The following CTIF variants were observed in gnomAD, a reference collection of about 807,000 sequenced individuals.
CTIF encodes the protein CBP80/20-dependent translation initiation factor.
Under a neutral mutation model 66.0 loss-of-function variants are expected in CTIF, and 21 were observed. That is an observed-to-expected ratio of 0.32 (90% CI 0.23 to 0.46). The LOEUF (loss-of-function observed/expected upper bound fraction) is 0.46, where lower values mean the gene tolerates loss of function less well. Among genes scored for constraint, CTIF ranks in the 20% least tolerant of loss-of-function variants. The probability of loss-of-function intolerance (pLI) is 1.00; values close to 1 mark genes in which losing one functional copy is unlikely to be tolerated. For missense variants in CTIF, 739 were observed against 812.7 expected (o/e 0.91, Z 1.10); for synonymous variants, 345 against 326.4 (o/e 1.06, Z -0.62).
intron 7 of CTIF, among the ~76,000 whole-genome samples, chr18:48,754,411 G>A (rs1908138741): frequency 6.6e-6 from 1 of 152,180 alleles, no homozygotes; most frequent in East Asian, 1.9e-4. Flanking sequence ...AAGGTTCTTG[G>A]CCTGCCTGCA....
Position 48,857,203 on chromosome 18 carries a change from C to T in CTIF, c.1528-385C>T, listed in dbSNP as rs140067374. On this transcript the variant is annotated intron_variant, in intron 10 of 11. Transcript: ENST00000256413. ...ACCCATAGAGGAGTTACCAATTATA[C>T]GTCTCTAAGCTAATTTCATTTCCCT... Among the ~76,000 whole-genome samples, 548 of 152,360 alleles carry T rather than the reference C, an allele frequency of 3.6e-3. 4 individuals are homozygous for T. The highest frequency in any genetic ancestry group is 0.012 in the African/African-American group (512 of 41,586).
In CTIF at chr18:48,817,668, C is replaced by T. The variant is rs369035266; in HGVS notation, c.1527+292C>T. ...GTGGGTGCCTGTAATCCCAGCTACT[C>T]GGGAGGCTGAGGCAGGAGAATTGCT... On this transcript the variant is annotated intron_variant, in intron 10 of 11. Transcript: ENST00000256413. Among the ~76,000 whole-genome samples, 5 of 151,914 alleles carry T rather than the reference C, an allele frequency of 3.3e-5. No individual in the cohort carries two copies. The South Asian group carries it at 8.3e-4, about 25-fold the overall frequency.
chr18:48,603,353 G>A (rs991042882), intron 1 of CTIF, among the ~76,000 whole-genome samples: 11 of 136,608 alleles, frequency 8.1e-5, no homozygotes, highest in Admixed American at 3.6e-4. Flanking sequence ...TGGGATGGAC[G>A]GCTAGATAGG....
intron 10 of CTIF, among the ~76,000 whole-genome samples, chr18:48,854,158 G>A (rs1358887500): frequency 6.6e-6 from 1 of 152,168 alleles, no homozygotes; most frequent in Non-Finnish European, 1.5e-5. Context: ...TCAAGAAGCC[G>A]ACAGTTCACC....
At chr18:48,666,342 G>A (rs1397424139) in intron 5 of CTIF, among the ~76,000 whole-genome samples, 1 of 152,110 alleles carries the variant, frequency 6.6e-6, no homozygotes, top group African/African-American at 2.4e-5. Context: ...ATAGTGTAAT[G>A]AGCAACAACC....
At chr18:48,763,960 T>A (rs1909259952) in intron 9 of CTIF, among the ~76,000 whole-genome samples, 1 of 152,124 alleles carries the variant, frequency 6.6e-6, no homozygotes, top group African/African-American at 2.4e-5. Flanking sequence ...AGAGACCTAG[T>A]TCTGCAGGTG....
intron 1 of CTIF, among the ~76,000 whole-genome samples, chr18:48,611,083 G>T (rs978538038): frequency 6.6e-6 from 1 of 152,148 alleles, no homozygotes; most frequent in African/African-American, 2.4e-5. Flanking sequence ...TTGCAGCCTG[G>T]CTCTACCCAT....
chr18:48,572,048 T>TTCTCCTTCTCC (rs1568040083), intron 1 of CTIF, among the ~76,000 whole-genome samples: 1 of 148,510 alleles, frequency 6.7e-6, no homozygotes, highest in African/African-American at 2.5e-5. Flanking sequence ...CTTCCTTCTC[T>TTCTCCTTCTCC]TTCTCCTTCT....
At chr18:48,618,516 C>A (rs2090436443) in intron 1 of CTIF, among the ~76,000 whole-genome samples, 1 of 152,226 alleles carries the variant, frequency 6.6e-6, no homozygotes, top group African/African-American at 2.4e-5. Context: ...TTTAAATCCC[C>A]TTCCCATCTA....
chr18:48,628,415 G>T (rs1024168144), intron 2 of CTIF, among the ~76,000 whole-genome samples: 7 of 152,144 alleles, frequency 4.6e-5, no homozygotes, highest in Non-Finnish European at 1.0e-4. Context: ...AAAGGAGACT[G>T]TTTGCATTGT....
chr18:48,682,082 A>G (rs1371897196), intron 6 of CTIF, among the ~76,000 whole-genome samples: 3 of 151,526 alleles, frequency 2.0e-5, no homozygotes, highest in East Asian at 2.0e-4. Flanking sequence ...CACCGTGCCC[A>G]GCCCCACACC....
At chr18:48,829,586 G>A (rs1429209387) in intron 10 of CTIF, among the ~76,000 whole-genome samples, 4 of 152,334 alleles carry the variant, frequency 2.6e-5, no homozygotes, top group African/African-American at 7.2e-5. Context: ...GCCTTGCCCA[G>A]CCTCCGTGCT....
At chr18:48,737,274 C>A (rs538213368) in intron 7 of CTIF, among the ~76,000 whole-genome samples, 13 of 152,308 alleles carry the variant, frequency 8.5e-5, no homozygotes, top group African/African-American at 3.1e-4. Flanking sequence ...AAGGTGGGAC[C>A]CTTGCCATTA....
chr18:48,635,920 A>T (rs114898967), intron 2 of CTIF, among the ~76,000 whole-genome samples: 1 of 152,136 alleles, frequency 6.6e-6, no homozygotes, highest in Non-Finnish European at 1.5e-5. Context: ...CAGACTCCCA[A>T]TGCATCCCTT....
intron 1 of CTIF, among the ~76,000 whole-genome samples, chr18:48,588,764 G>A (rs916830367): frequency 2.6e-5 from 4 of 152,208 alleles, no homozygotes; most frequent in African/African-American, 9.6e-5. Context: ...CCTGTGGCGG[G>A]CTCCCTGCGG....
At chr18:48,620,133 C>T (rs578127585) in intron 2 of CTIF, among the ~76,000 whole-genome samples, 1 of 152,318 alleles carries the variant, frequency 6.6e-6, no homozygotes, top group South Asian at 2.1e-4. Context: ...AGAACTATAA[C>T]TTGTGAATAT....
intron 9 of CTIF, among the ~76,000 whole-genome samples, chr18:48,771,885 A>T (rs1910167193): frequency 6.6e-6 from 1 of 152,250 alleles, no homozygotes; most frequent in Non-Finnish European, 1.5e-5. Flanking sequence ...CTGCCCGGGC[A>T]CGGCCGGCCC....
At chr18:48,578,118 T>G (rs1206674081) in intron 1 of CTIF, among the ~76,000 whole-genome samples, 1 of 152,258 alleles carries the variant, frequency 6.6e-6, no homozygotes, top group African/African-American at 2.4e-5. Flanking sequence ...TGTAATAGTT[T>G]CAAGGTTCAT....
chr18:48,829,885 T>A (rs926212535), intron 10 of CTIF, among the ~76,000 whole-genome samples: 2 of 152,250 alleles, frequency 1.3e-5, no homozygotes, highest in Non-Finnish European at 1.5e-5. Flanking sequence ...ATGTGAATGA[T>A]GTTTAGGGAA....
Sources: gnomAD v4.1 joint callset for allele counts (sites outside exome capture counted in the v4.1 genomes callset) on GRCh38, gnomAD v4.1.1 for gene constraint, MANE v1.5 for transcripts, NCBI Gene and HGNC (gene_info 2026-07-23, HGNC 2026-07-21) for gene names.